Variants in MAP3K15 observed in about 807,000 individuals in gnomAD.
MAP3K15 encodes the protein MAPK/ERK kinase kinase 15.
MAP3K15 carries 124 observed loss-of-function variants against 99.5 expected under a neutral mutation model. The observed-to-expected ratio is 1.25, with a 90% confidence interval of 1.08 to 1.45. The LOEUF (loss-of-function observed/expected upper bound fraction) is 1.45. Among genes scored for constraint, MAP3K15 ranks in the 40% most tolerant of loss-of-function variants. The pLI, the probability that MAP3K15 is intolerant of heterozygous loss-of-function variation, is 0.00. For missense variants in MAP3K15, 1,242 were observed against 1,079.7 expected, an observed-to-expected ratio of 1.15 and a Z score of -2.11; for synonymous variants, 494 against 439.6, an observed-to-expected ratio of 1.12 and a Z score of -1.55.
At chrX:19,480,862 C>T (rs1038588418) in intron 3 of MAP3K15, among the ~76,000 whole-genome samples, 4 of 105,695 alleles carry the variant, frequency 3.8e-5, no homozygotes, top group Non-Finnish European at 7.7e-5. Context: ...TGCCTGTAAT[C>T]CCAGCACTTT....
chrX:19,387,073 A>G (rs1221963658), intron 18 of MAP3K15, among the ~76,000 whole-genome samples: 1 of 112,092 alleles, frequency 8.9e-6, no homozygotes, highest in Admixed American at 9.4e-5. Flanking sequence ...CCAGGGGACT[A>G]CCCTAGTTGA....
intron 1 of MAP3K15, among the ~76,000 whole-genome samples, chrX:19,493,717 A>AGCAG (rs1375567680): frequency 9.0e-6 from 1 of 111,613 alleles, no homozygotes; most frequent in Non-Finnish European, 1.9e-5. Context: ...TCAGAACCCC[A>AGCAG]GCAGGCAGGC....
Position 19,374,446 on chromosome X carries a change from G to A in MAP3K15, c.2773+31C>T, listed in dbSNP as rs774503916. ...AGCGCCCAGCATTCTTGTGGCCAGG[G>A]TGCTGCCCCAGCTGTCCAGGGAGGC... On this transcript the variant is annotated intron_variant, in intron 20 of 28. Transcript: ENST00000338883. The A allele has an allele frequency of 3.4e-6, 4 of 1,188,722 alleles. No individual in the cohort carries two copies. In the Admixed American group the frequency reaches 6.6e-5, roughly 20 times the overall value.
At chrX:19,483,100 A>AT (rs1476598980) in intron 3 of MAP3K15, among the ~76,000 whole-genome samples, 3 of 109,009 alleles carry the variant, frequency 2.8e-5, no homozygotes, top group African/African-American at 1.0e-4. Flanking sequence ...AAAAAAAAAA[A>AT]TACAAAAATT....
intron 6 of MAP3K15, among the ~76,000 whole-genome samples, chrX:19,448,190 C>G (rs1363280275): frequency 9.2e-6 from 1 of 109,113 alleles, no homozygotes; most frequent in African/African-American, 3.3e-5. Flanking sequence ...ACGAGGACTT[C>G]ACAATGCAGC....
At chrX:19,496,947 G>C (rs1446070264) in intron 1 of MAP3K15, 2 of 110,463 alleles carry the variant, frequency 1.8e-5, no homozygotes, top group African/African-American at 6.6e-5. Flanking sequence ...CTAGATACAG[G>C]GGCCATGTTG....
Position 19,392,333 on chromosome X carries a change from A to C in MAP3K15, c.2325+10T>G, listed in dbSNP as rs774783242. 8.3e-7 allele frequency: 1 copy of C among 1,200,117 alleles called. No individual in the cohort carries two copies. The highest frequency in any genetic ancestry group is 2.3e-5 in the Admixed American group (1 of 43,830). On this transcript the variant is annotated intron_variant, in intron 17 of 28. Coordinates refer to ENST00000338883, the MANE Select transcript of MAP3K15 (RefSeq NM_001001671.4). ...CAAAGGCAACCTCGTCAGCTTAAAAAAGCAAGTACCTTTATGTCTCTGTGC... is the reference window on the plus strand; with the variant it reads ...CAAAGGCAACCTCGTCAGCTTAAAACAGCAAGTACCTTTATGTCTCTGTGC...
chrX:19,372,918 G>A lies in MAP3K15; in HGVS notation c.2934-91C>T, dbSNP rs904443534. The A allele has an allele frequency of 5.5e-5, 49 of 893,436 alleles. No individual in the cohort carries two copies. In the South Asian group the frequency reaches 1.1e-3, roughly 20 times the overall value. 73.6% of individuals were successfully genotyped at this position (893,436 alleles called of 1,213,427 possible). A position where few individuals can be genotyped will look rare whatever the true frequency, so the allele number is the denominator to read the frequency against. On this transcript the variant is annotated intron_variant, in intron 21 of 28. Coordinates refer to ENST00000338883, the MANE Select transcript of MAP3K15 (RefSeq NM_001001671.4). ...TTAGGACGCCCTGGAGAAGGGCTGAGAGGTAACTGCGATGCAGTCCCTGTG... is the reference window on the plus strand; with the variant it reads ...TTAGGACGCCCTGGAGAAGGGCTGAAAGGTAACTGCGATGCAGTCCCTGTG...
intron 13 of MAP3K15, among the ~76,000 whole-genome samples, chrX:19,401,117 T>C (rs776510485): frequency 3.6e-5 from 4 of 111,575 alleles, no homozygotes; most frequent in Non-Finnish European, 7.5e-5. Context: ...TTCCTTTCTG[T>C]CCCATCACTG....
chrX:19,422,713 A>G (rs1371455017), intron 9 of MAP3K15, among the ~76,000 whole-genome samples: 1 of 112,099 alleles, frequency 8.9e-6, no homozygotes, highest in South Asian at 3.7e-4. Flanking sequence ...ATGCTGCTAT[A>G]AAGACTCATG....
At chrX:19,367,258 C>T (rs967255770) in intron 25 of MAP3K15, among the ~76,000 whole-genome samples, 3 of 110,827 alleles carry the variant, frequency 2.7e-5, no homozygotes, top group Non-Finnish European at 3.8e-5. Context: ...TACCACGTGC[C>T]GTGGGAGCTA....
chrX:19,364,893 CAAAAAA>C (rs781622051), intron 25 of MAP3K15, among the ~76,000 whole-genome samples: 1 of 38,492 alleles, frequency 2.6e-5, no homozygotes, highest in Non-Finnish European at 5.0e-5. Flanking sequence ...AACTCTGTCT[CAAAAAA>C]AAAAAAAAAA....
chrX:19,379,952 A>G (rs142793113), intron 19 of MAP3K15, among the ~76,000 whole-genome samples, 168 bp downstream of exon 19: 1,622 of 111,757 alleles, frequency 0.015, 30 homozygotes, highest in African/African-American at 0.049. Flanking sequence ...TTGCAGTCTC[A>G]GTGGATTGCC....
chrX:19,360,868 G>A (rs1213251837), intron 28 of MAP3K15, 35 bp from the exon 29 acceptor site: 3 of 1,062,854 alleles, frequency 2.8e-6, no homozygotes, highest in South Asian at 2.0e-5. Flanking sequence ...CAGAGTCAGT[G>A]CTTCAAGCCA....
At position 19,369,085 on chromosome X, in the gene MAP3K15, G is replaced by A. The variant is rs1449183471; in HGVS notation, c.3535C>T (p.Gln1179Ter). Residue 1179 changes from glutamine (Q) to a stop codon, truncating the protein, a stop_gained, in exon 25 of 29, where the codon CAG (glutamine) becomes TAG (stop). Transcript: ENST00000338883. LOFTEE classifies it high-confidence loss of function. ...GTCTCCTGTCTGAGCTCACCCAGCT[G>A]GAGGCTCAGGTGCTGCTGGTGGGGC... Reference protein sequence around the residue: ...AQPHQQHLSLQLGELRQETNR... With the variant: ...AQPHQQHLSL 24 of 1,207,900 alleles carry A rather than the reference G, an allele frequency of 2.0e-5. No individual in the cohort carries two copies. The highest frequency in any genetic ancestry group is 2.6e-5 in the Non-Finnish European group (23 of 893,770).
intron 1 of MAP3K15, among the ~76,000 whole-genome samples, chrX:19,506,103 T>C (rs1249354599): frequency 9.0e-6 from 1 of 111,357 alleles, no homozygotes; most frequent in Non-Finnish European, 1.9e-5. Context: ...CAGCTAATTT[T>C]TTATATTTTT....
In MAP3K15 at chrX:19,425,533, G is replaced by A. The variant is rs2063822139; in HGVS notation, c.1437C>T (p.Val479=). ...GACAACACACAGACACAACTCACCA[G>A]ACTGGAGGTTTCAGTTTGAACAACC... The part of the protein sequence containing the change: ...AERLFKLKPP[V]WYLRSLVQNL... Residue 479 remains valine (V), a splice_region_variant and synonymous_variant, in exon 9 of 29, where the codon GTC becomes GTT. Transcript: ENST00000338883. The A allele has an allele frequency of 1.7e-6, 2 of 1,196,011 alleles. No individual in the cohort carries two copies. The highest frequency in any genetic ancestry group is 1.8e-5 in the South Asian group (1 of 55,943).
intron 1 of MAP3K15, among the ~76,000 whole-genome samples, chrX:19,511,335 T>A (rs889116779): frequency 9.0e-6 from 1 of 111,546 alleles, no homozygotes; most frequent in Non-Finnish European, 1.9e-5. Flanking sequence ...CTAATTAAAC[T>A]AAAGAGCTTC....
chrX:19,369,376 C>G (rs181658272), intron 24 of MAP3K15, among the ~76,000 whole-genome samples, 157 bp from the exon 25 acceptor site: 19 of 111,985 alleles, frequency 1.7e-4, no homozygotes, highest in Non-Finnish European at 3.4e-4. Context: ...GGAGAAGAGA[C>G]TGTTCCATTT....
Sources: gnomAD v4.1 joint callset for allele counts (sites outside exome capture counted in the v4.1 genomes callset) on GRCh38, gnomAD v4.1.1 for gene constraint, MANE v1.5 for transcripts, NCBI Gene and HGNC (gene_info 2026-07-23, HGNC 2026-07-21) for gene names.